The following FGF12 variants were observed in gnomAD, a reference collection of about 807,000 sequenced individuals.
The protein encoded by FGF12 is fibroblast growth factor 12.
FGF12 carries 14 observed loss-of-function variants against 23.6 expected under a neutral mutation model. The observed-to-expected ratio is 0.59, with a 90% CI of 0.39 to 0.93. FGF12 has a LOEUF of 0.93. FGF12 is among the 40% of genes least tolerant of loss of function. The pLI, the probability that FGF12 is intolerant of heterozygous loss-of-function variation, is 0.00. For missense variants in FGF12, 175 were observed against 217.8 expected (o/e 0.80, Z 1.24); for synonymous variants, 62 against 77.3 (o/e 0.80, Z 1.04).
intron 4 of FGF12, among the ~76,000 whole-genome samples, chr3:192,285,188 C>T (rs1714380760): frequency 6.6e-6 from 1 of 152,032 alleles, no homozygotes; most frequent in African/African-American, 2.4e-5. Context: ...ATCCCCATGA[C>T]CCTTAGTAGT....
chr3:192,311,056 T>C (rs1290101784), intron 4 of FGF12, among the ~76,000 whole-genome samples: 1 of 152,196 alleles, frequency 6.6e-6, no homozygotes, highest in Non-Finnish European at 1.5e-5. Context: ...ATGATTTTAT[T>C]TCCTGTTTAA....
chr3:192,473,760 T>C lies in FGF12; in HGVS notation c.14-113222A>G, dbSNP rs574407976. Among the ~76,000 whole-genome samples, 3 of 152,354 alleles carry C rather than the reference T, an allele frequency of 2.0e-5. No homozygotes were observed. The South Asian group carries it at 6.2e-4, about 32-fold the overall frequency. ...CGCTTGGCCACCATGTGATATGCAC[T>C]GGCCGTGTGACCAAAAGAACGGTGA... On this transcript the variant is annotated intron_variant, in intron 2 of 5. Coordinates refer to ENST00000445105, the MANE Select transcript of FGF12 (RefSeq NM_004113.6).
At chr3:192,495,374 G>A (rs1002204809) in intron 2 of FGF12, among the ~76,000 whole-genome samples, 68 of 152,066 alleles carry the variant, frequency 4.5e-4, no homozygotes, top group Non-Finnish European at 1.5e-4. Flanking sequence ...GAATATGAAT[G>A]TTTTTTCCCA....
chr3:192,326,991 T>G (rs1716853623), intron 4 of FGF12, among the ~76,000 whole-genome samples: 1 of 152,078 alleles, frequency 6.6e-6, no homozygotes, highest in Non-Finnish European at 1.5e-5. Flanking sequence ...AATGGAAAGG[T>G]TTTATTGCAC....
intron 2 of FGF12, among the ~76,000 whole-genome samples, chr3:192,698,062 T>C (rs919252731): frequency 1.3e-5 from 2 of 152,138 alleles, no homozygotes; most frequent in Non-Finnish European, 2.9e-5. Context: ...CTCTCTCCCA[T>C]CACAGAAGGT....
chr3:192,434,135 A>G (rs2108792101), intron 2 of FGF12, among the ~76,000 whole-genome samples: 1 of 152,320 alleles, frequency 6.6e-6, no homozygotes, highest in South Asian at 2.1e-4. Flanking sequence ...ATTGTGGAAA[A>G]AAAATTCTCA....
chr3:192,508,944 C>A (rs1724391646), intron 2 of FGF12, among the ~76,000 whole-genome samples: 1 of 152,114 alleles, frequency 6.6e-6, no homozygotes, highest in Non-Finnish European at 1.5e-5. Flanking sequence ...AACTGAGACT[C>A]CTAATTACTT....
At chr3:192,555,279 T>G (rs1224246333) in intron 2 of FGF12, among the ~76,000 whole-genome samples, 1 of 152,098 alleles carries the variant, frequency 6.6e-6, no homozygotes, top group Non-Finnish European at 1.5e-5. Context: ...TGAGAGAGTT[T>G]TGAAAGCAGC....
At position 192,140,136 on chromosome 3, in the gene FGF12, A is replaced by G. The variant is rs1036720378; in HGVS notation, c.*3873T>C. On this transcript the variant is annotated 3_prime_UTR_variant, in exon 6 of 6. Coordinates refer to ENST00000445105, the MANE Select transcript of FGF12 (RefSeq NM_004113.6). ...CATTCAAATCTCTTTATTTTTGATTACCTATGACTAAAGACCACAAATCAA... is the reference window on the plus strand; with the variant it reads ...CATTCAAATCTCTTTATTTTTGATTGCCTATGACTAAAGACCACAAATCAA... 48 of 152,204 alleles carry G rather than the reference A, an allele frequency of 3.2e-4. No individual in the cohort carries two copies. Among genetic ancestry groups the G allele is most frequent in the African/African-American group, 1.1e-3 (47 of 41,558 alleles). The allele number at this position is 152,204 out of a possible 1,614,324, so 9.4% of individuals were successfully genotyped here. A position where few individuals can be genotyped will look rare whatever the true frequency, so the allele number is the denominator to read the frequency against.
chr3:192,166,944 A>G (rs562003888), intron 5 of FGF12, among the ~76,000 whole-genome samples: 2 of 151,868 alleles, frequency 1.3e-5, no homozygotes, highest in East Asian at 3.9e-4. Context: ...TTTAGAATGC[A>G]TTTTTTTTCC....
intron 4 of FGF12, among the ~76,000 whole-genome samples, chr3:192,237,819 A>G (rs1478070929): frequency 6.6e-6 from 1 of 152,142 alleles, no homozygotes; most frequent in Non-Finnish European, 1.5e-5. Flanking sequence ...TGAATTCTGT[A>G]TCTGTAATTT....
At chr3:192,605,202 C>A (rs1714286778) in intron 2 of FGF12, among the ~76,000 whole-genome samples, 1 of 151,896 alleles carries the variant, frequency 6.6e-6, no homozygotes, top group African/African-American at 2.4e-5. Context: ...CATGGTGAAA[C>A]CCTGTCTCTA....
At chr3:192,527,574 A>G (rs1470608838) in intron 2 of FGF12, among the ~76,000 whole-genome samples, 2 of 152,226 alleles carry the variant, frequency 1.3e-5, no homozygotes, top group Non-Finnish European at 2.9e-5. Flanking sequence ...AATCACTGCA[A>G]TAATGCTTCT....
chr3:192,167,763 ATATATAAAATTT>A (rs1211296091), intron 5 of FGF12, among the ~76,000 whole-genome samples: 2 of 32,192 alleles, frequency 6.2e-5, no homozygotes, highest in Non-Finnish European at 1.2e-4. Flanking sequence ...ATATATATAT[ATATATAAAATTT>A]TTTTTTTTTT....
At chr3:192,499,349 A>G (rs569317099) in intron 2 of FGF12, among the ~76,000 whole-genome samples, 1 of 151,522 alleles carries the variant, frequency 6.6e-6, no homozygotes, top group Non-Finnish European at 1.5e-5. Flanking sequence ...AAGTGTACTA[A>G]GAGGTAAAAG....
At chr3:192,653,789 A>G (rs1560182950) in intron 2 of FGF12, among the ~76,000 whole-genome samples, 1 of 147,828 alleles carries the variant, frequency 6.8e-6, no homozygotes, top group Non-Finnish European at 1.5e-5. Context: ...ATCTCAGCTC[A>G]CTGCAACCTC....
At chr3:192,500,447 C>CTCT (rs1724102991) in intron 2 of FGF12, among the ~76,000 whole-genome samples, 1 of 152,100 alleles carries the variant, frequency 6.6e-6, no homozygotes, top group Non-Finnish European at 1.5e-5. Context: ...TCCCCCCACC[C>CTCT]GCCACACACA....
At chr3:192,554,777 C>A (rs1711688757) in intron 2 of FGF12, among the ~76,000 whole-genome samples, 1 of 125,802 alleles carries the variant, frequency 7.9e-6, no homozygotes, top group African/African-American at 3.0e-5. Flanking sequence ...TATAAAGATG[C>A]TCAATGAGCT....
At chr3:192,179,889 G>A (rs1273188083) in intron 4 of FGF12, among the ~76,000 whole-genome samples, 1 of 152,092 alleles carries the variant, frequency 6.6e-6, no homozygotes, top group Non-Finnish European at 1.5e-5. Context: ...TGTCAAGCAT[G>A]TAGTACCTGA....
Sources: gnomAD v4.1 joint callset for allele counts (sites outside exome capture counted in the v4.1 genomes callset) on GRCh38, gnomAD v4.1.1 for gene constraint, MANE v1.5 for transcripts, NCBI Gene and HGNC (gene_info 2026-07-23, HGNC 2026-07-21) for gene names.